Variants in NUP107 observed in about 807,000 individuals in gnomAD.
The protein encoded by NUP107 is nucleoporin 107.
A neutral mutation model predicts 141.0 loss-of-function variants in NUP107; 101 were observed. The observed-to-expected ratio is 0.72, with a 90% CI of 0.61 to 0.84. The LOEUF (loss-of-function observed/expected upper bound fraction) is 0.84. NUP107 is among the 40% of genes least tolerant of loss of function. The pLI is 0.00. For missense variants in NUP107, 941 were observed against 1,102.7 expected, an observed-to-expected ratio of 0.85 and a Z score of 2.08; for synonymous variants, 319 against 363.9, an observed-to-expected ratio of 0.88 and a Z score of 1.41.
intron 24 of NUP107, among the ~76,000 whole-genome samples, chr12:68,734,051 G>T (rs937338771): frequency 1.3e-5 from 2 of 152,130 alleles, no homozygotes; most frequent in African/African-American, 4.8e-5. Flanking sequence ...CAGAAGCATT[G>T]CTTGAGCCTG....
In NUP107 at chr12:68,721,988, T is replaced by A; in HGVS notation, c.1457+2T>A. On this transcript the variant is annotated splice_donor_variant, in intron 16 of 27. Transcript: ENST00000229179. LOFTEE classifies it high-confidence loss of function. ...CCCTAGAGAATATCTGGGAGCAAAG[T>A]GAGTTTGTTGGATTGTTTTGAGTCA... 1.9e-6 allele frequency: 3 copies of A among 1,612,952 alleles called. No individual in the cohort carries two copies. The highest frequency in any genetic ancestry group is 2.5e-6 in the Non-Finnish European group (3 of 1,179,450).
chr12:68,699,354 C>T (rs923560580), intron 6 of NUP107, among the ~76,000 whole-genome samples: 2 of 152,248 alleles, frequency 1.3e-5, no homozygotes, highest in Middle Eastern at 3.4e-3. Flanking sequence ...TCCTAGGCAA[C>T]AGAGTGAGAC....
In NUP107 at chr12:68,735,346, T is replaced by C; in HGVS notation, c.2502+2T>C. ...GGGTGGATGGTGGATGTTAGAGAGG[T>C]AAGCTGTGTGCATTGTTTATAGCCA... is the stretch of plus-strand genomic sequence containing the variant. On this transcript the variant is annotated splice_donor_variant, in intron 26 of 27. Transcript: ENST00000229179. LOFTEE classifies it high-confidence loss of function. 1 of 1,606,940 alleles carries C rather than the reference T, an allele frequency of 6.2e-7. No homozygotes were observed. The highest frequency in any genetic ancestry group is 1.1e-5 in the South Asian group (1 of 90,936).
At position 68,704,848 on chromosome 12, in the gene NUP107, C is replaced by CT. The variant is rs960530934; in HGVS notation, c.729+2074dup. Reference sequence around the variant, plus strand: ...TATTTTATGTATATCTGTTAGACTGCTTTTTTTTTTCTTTTGTTTCTTTTT... The same window carrying CT: ...TATTTTATGTATATCTGTTAGACTGCTTTTTTTTTTTCTTTTGTTTCTTTTT... On this transcript the variant is annotated intron_variant, in intron 8 of 27. Coordinates refer to ENST00000229179, the MANE Select transcript of NUP107 (RefSeq NM_020401.4). Among the ~76,000 whole-genome samples the CT allele has an allele frequency of 2.6e-3, 392 of 148,568 alleles. 2 individuals are homozygous for CT. Among genetic ancestry groups the CT allele is most frequent in the African/African-American group, 9.2e-3 (373 of 40,634 alleles).
At chr12:68,709,885 TC>T in intron 9 of NUP107, 119 bp from the exon 10 acceptor site, 1 of 566,590 alleles carries the variant, frequency 1.8e-6, no homozygotes, top group Non-Finnish European at 3.1e-6. Context: ...TGAGACTCTT[TC>T]TCAAAAAAAA....
At position 68,733,604 on chromosome 12, in the gene NUP107, G is replaced by A. The variant is rs780736782; in HGVS notation, c.2254G>A (p.Ala752Thr). 2 of 1,609,750 alleles carry A rather than the reference G, an allele frequency of 1.2e-6. No individual in the cohort carries two copies. The highest frequency in any genetic ancestry group is 8.5e-7 in the Non-Finnish European group (1 of 1,178,322). ...TATCCGAGAACATTTGTGCATCAGA[G>A]CTTATTTGGTGAGACTGTAAAGAAA... ...NAIREHLCIRAYLEAHETFNE... is the reference protein window; with the variant it reads ...NAIREHLCIRTYLEAHETFNE... The change falls in exon 24 of 28, where the codon GCT becomes ACT. Residue 752 changes from alanine to threonine, a missense_variant. Ala to Thr is a moderately conservative substitution (Grantham distance 58). Coordinates refer to ENST00000229179, the MANE Select transcript of NUP107 (RefSeq NM_020401.4).
At position 68,699,579 on chromosome 12, in the gene NUP107, C is replaced by G. The variant is rs1565688248; in HGVS notation, c.553-1147C>G. Among the ~76,000 whole-genome samples the G allele has an allele frequency of 4.6e-5, 7 of 152,242 alleles. No homozygotes were observed. The South Asian group carries it at 1.5e-3, about 32-fold the overall frequency. ...ATAACACTTAGTGAATCACTGGAGT[C>G]AGGATTCCAGCTGAGAATGTAATGA... On this transcript the variant is annotated intron_variant, in intron 6 of 27. Transcript: ENST00000229179.
At chr12:68,719,019 G>A (rs896427745) in intron 12 of NUP107, among the ~76,000 whole-genome samples, 1 of 152,136 alleles carries the variant, frequency 6.6e-6, no homozygotes, top group Non-Finnish European at 1.5e-5. Context: ...CTCCCGAGTA[G>A]CTGGGATTAC....
chr12:68,741,830 T>G lies in NUP107; in HGVS notation c.2520T>G (p.His840Gln), dbSNP rs368049934. 3 of 1,612,950 alleles carry G rather than the reference T, an allele frequency of 1.9e-6. No homozygotes were observed. The highest frequency in any genetic ancestry group is 2.5e-6 in the Non-Finnish European group (3 of 1,179,678). ...VDVREDAKED[H>Q]ERTHQMVLLR... is the part of the protein sequence containing the mutation. ...GTTTGTAGGATGCCAAAGAAGACCATGAAAGAACACATCAAATGGTCTTAC... is the reference window on the plus strand; with the variant it reads ...GTTTGTAGGATGCCAAAGAAGACCAGGAAAGAACACATCAAATGGTCTTAC... Residue 840 changes from histidine (H) to glutamine (Q), a missense_variant, in exon 27 of 28, where the codon CAT becomes CAG. His to Gln is a conservative substitution (Grantham distance 24). Transcript: ENST00000229179.
At chr12:68,730,201 G>A (rs1266429254) in intron 20 of NUP107, among the ~76,000 whole-genome samples, 2 of 136,554 alleles carry the variant, frequency 1.5e-5, no homozygotes, top group Admixed American at 8.0e-5. Context: ...CCTGCCCTCA[G>A]GGGTGATACT....
chr12:68,696,731 A>G, intron 5 of NUP107, 88 bp from the exon 6 acceptor site: 1 of 738,152 alleles, frequency 1.4e-6, no homozygotes, highest in South Asian at 2.0e-5. Context: ...AAATAAACAA[A>G]TAAATACATT....
chr12:68,705,873 G>A (rs1876554387), intron 8 of NUP107: 1 of 814,914 alleles, frequency 1.2e-6, no homozygotes, highest in African/African-American at 1.7e-5. Context: ...ACCTGGAGGT[G>A]GACCCCAACA....
intron 10 of NUP107, among the ~76,000 whole-genome samples, chr12:68,710,796 A>G (rs1485666957): frequency 6.6e-6 from 1 of 152,222 alleles, no homozygotes; most frequent in Non-Finnish European, 1.5e-5. Context: ...TAAGTAATCG[A>G]GATGATATAA....
chr12:68,731,053 T>C (rs1297257797), intron 20 of NUP107, 57 bp from the exon 21 acceptor site: 6 of 1,213,840 alleles, frequency 4.9e-6, no homozygotes, highest in Non-Finnish European at 4.6e-6. Context: ...ATTTGAAATT[T>C]TGAAGTATAC....
At chr12:68,702,895 G>C (rs1876402956) in intron 8 of NUP107, 111 bp downstream of exon 8, 8 of 536,744 alleles carry the variant, frequency 1.5e-5, no homozygotes, top group Admixed American at 7.9e-5. Context: ...CCAGGCTGGA[G>C]GGCAATGGCG....
chr12:68,690,501 G>T, intron 3 of NUP107, 130 bp from the exon 4 acceptor site: 1 of 1,123,942 alleles, frequency 8.9e-7, no homozygotes, highest in Non-Finnish European at 1.3e-6. Context: ...AACATTTAAA[G>T]TATTTATTTG....
At position 68,732,736 on chromosome 12, in the gene NUP107, T is replaced by A. The variant is rs1877887638; in HGVS notation, c.2098T>A (p.Leu700Met). Residue 700 changes from leucine to methionine, a missense_variant, in exon 23 of 28, where the codon TTG becomes ATG. By Grantham distance (15) the Leu-to-Met change is conservative. Coordinates refer to ENST00000229179, the MANE Select transcript of NUP107 (RefSeq NM_020401.4). ...AGGCAATGCAATTATGAGAAAATTC[T>A]TGGGTATAGTATATTTTTATGCAGC... ...KQGNAIMRKFLASKKHEAAKE... is the reference protein window; with the variant it reads ...KQGNAIMRKFMASKKHEAAKE... 1 of 1,594,870 alleles carries A rather than the reference T, an allele frequency of 6.3e-7. No individual in the cohort carries two copies. The highest frequency in any genetic ancestry group is 1.3e-5 in the African/African-American group (1 of 74,588).
In NUP107 at chr12:68,706,410, T is replaced by A. The variant is rs1876582963; in HGVS notation, c.730-2828T>A. ...AGTCGCTCCCTGGACATGAACAGCATCATCGCTGAGGTCAAGGCACCGTAC... is the reference window on the plus strand; with the variant it reads ...AGTCGCTCCCTGGACATGAACAGCAACATCGCTGAGGTCAAGGCACCGTAC... On this transcript the variant is annotated intron_variant, in intron 8 of 27. Coordinates refer to ENST00000229179, the MANE Select transcript of NUP107 (RefSeq NM_020401.4). 5.1e-6 allele frequency: 5 copies of A among 975,980 alleles called. No homozygotes were observed. The South Asian group carries it at 6.6e-5, about 13-fold the overall frequency. The allele number at this position is 975,980 out of a possible 1,614,324, so 60.5% of individuals were successfully genotyped here.
intron 10 of NUP107, among the ~76,000 whole-genome samples, chr12:68,711,377 A>C (rs979550069): frequency 7.2e-5 from 11 of 151,746 alleles, no homozygotes; most frequent in Non-Finnish European, 1.2e-4. Flanking sequence ...AATAAAATAA[A>C]AGTAACTCAG....
Sources: gnomAD v4.1 joint callset for allele counts (sites outside exome capture counted in the v4.1 genomes callset) on GRCh38, gnomAD v4.1.1 for gene constraint, MANE v1.5 for transcripts, NCBI Gene and HGNC (gene_info 2026-07-23, HGNC 2026-07-21) for gene names.